ACTN1: variants seen among roughly 807,000 people sequenced by gnomAD.
ACTN1 encodes actinin alpha 1, also known as alpha-actinin-1.
ACTN1 carries 30 observed loss-of-function variants against 119.6 expected under a neutral mutation model. The observed-to-expected ratio is 0.25, with a 90% CI of 0.19 to 0.34. The LOEUF (loss-of-function observed/expected upper bound fraction) is 0.34, where lower values mean the gene tolerates loss of function less well. Ranked by LOEUF, ACTN1 falls within the 10% of genes least tolerant of loss-of-function variation. The pLI is 1.00. For synonymous variants in ACTN1, 429 were observed against 472.6 expected (o/e 0.91, Z 1.20); for missense variants, 764 against 1,223.4 (o/e 0.62, Z 5.60).
intron 1 of ACTN1, 21 bp downstream of exon 1, chr14:68,978,931 C>A: frequency 8.5e-7 from 1 of 1,172,146 alleles, no homozygotes. Context: ...GGGGCTGCAG[C>A]GGGCGGGGGC....
chr14:68,938,314 G>T (rs1331141371), intron 1 of ACTN1, among the ~76,000 whole-genome samples: 3 of 152,178 alleles, frequency 2.0e-5, no homozygotes, highest in Admixed American at 2.0e-4. Flanking sequence ...CCCAGGACAT[G>T]TGAGTGCTGG....
chr14:68,924,272 C>T (rs547453872), intron 2 of ACTN1, among the ~76,000 whole-genome samples: 6 of 152,184 alleles, frequency 3.9e-5, no homozygotes, highest in Admixed American at 3.9e-4. Flanking sequence ...GATACATTTT[C>T]TGTTATATAT....
chr14:68,888,855 C>T (rs566811004), intron 11 of ACTN1, among the ~76,000 whole-genome samples: 1 of 152,270 alleles, frequency 6.6e-6, no homozygotes, highest in South Asian at 2.1e-4. Context: ...AAAGCATCTG[C>T]CTCCTCCCCA....
intron 8 of ACTN1, among the ~76,000 whole-genome samples, chr14:68,899,174 A>G (rs1321966361): frequency 8.1e-6 from 1 of 123,068 alleles, no homozygotes; most frequent in African/African-American, 3.2e-5. Context: ...CACACCTCAC[A>G]CCCTACACCT....
chr14:68,943,809 C>G (rs2035843554), intron 1 of ACTN1, among the ~76,000 whole-genome samples: 1 of 152,206 alleles, frequency 6.6e-6, no homozygotes, highest in African/African-American at 2.4e-5. Flanking sequence ...GGCCAGTTCC[C>G]CACAGTCACA....
chr14:68,954,009 C>A (rs527925869), intron 1 of ACTN1, among the ~76,000 whole-genome samples: 33 of 152,154 alleles, frequency 2.2e-4, no homozygotes, highest in Non-Finnish European at 4.3e-4. Context: ...AATAATGAAT[C>A]CTCTAGCCTT....
intron 1 of ACTN1, among the ~76,000 whole-genome samples, chr14:68,961,332 T>C (rs529241269): frequency 6.6e-6 from 1 of 152,350 alleles, no homozygotes; most frequent in Admixed American, 6.5e-5. Flanking sequence ...ATCAGAATAA[T>C]GCAGGCATGA....
At chr14:68,944,995 T>C (rs2035890735) in intron 1 of ACTN1, among the ~76,000 whole-genome samples, 1 of 151,760 alleles carries the variant, frequency 6.6e-6, no homozygotes, top group Non-Finnish European at 1.5e-5. Context: ...GGTGAAACCC[T>C]GTCTCTACTA....
Position 68,880,723 on chromosome 14 carries a change from C to T in ACTN1, c.2133+87G>A, listed in dbSNP as rs1029514361. 1 of 1,392,828 alleles carries T rather than the reference C, an allele frequency of 7.2e-7. No individual in the cohort carries two copies. Among genetic ancestry groups the T allele is most frequent in the Non-Finnish European group, 1.0e-6 (1 of 1,003,186 alleles). 86.3% of individuals were successfully genotyped at this position (1,392,828 alleles called of 1,614,324 possible). A position where few individuals can be genotyped will look rare whatever the true frequency, so the allele number is the denominator to read the frequency against. On this transcript the variant is annotated intron_variant, in intron 17 of 21. Coordinates refer to ENST00000394419, the MANE Select transcript of ACTN1 (RefSeq NM_001130004.2). This position sits in a 1 kb window ranked among gnomAD's most constrained non-coding sequence, Gnocchi z 4.6. ...AAGTTAATTTATCCTCCAACTATGA[C>T]CTGTTCCCTTGGAGACTTCCCCACC...
At chr14:68,936,521 G>C (rs542777681) in intron 1 of ACTN1, 4,560 of 272,294 alleles carry the variant, frequency 0.017, 120 homozygotes, top group Middle Eastern at 0.023. Flanking sequence ...TTTTAAGTAT[G>C]CAAATAAAAG....
At chr14:68,918,243 C>A (rs971620339) in intron 3 of ACTN1, among the ~76,000 whole-genome samples, 7 of 152,196 alleles carry the variant, frequency 4.6e-5, no homozygotes, top group African/African-American at 1.7e-4. Flanking sequence ...GCCAGCATGG[C>A]AGGGGCAGGC....
At position 68,892,098 on chromosome 14, in the gene ACTN1, G is replaced by A; in HGVS notation, c.1041C>T (p.Leu347=). Residue 347 remains leucine, a synonymous_variant, in exon 10 of 22, where the codon CTC becomes CTT. Transcript: ENST00000394419. The stretch of plus-strand genomic sequence containing the variant: ...AGGGCATGAAGGCAGGCCGGTTGCT[G>A]AGCCGCAGCTTGGTCTGCAGCGTGT... ...NFNTLQTKLR[L]SNRPAFMPSE... The A allele has an allele frequency of 3.7e-6, 6 of 1,613,834 alleles. No homozygotes were observed. In the South Asian group the frequency reaches 5.5e-5, roughly 15 times the overall value.
At position 68,874,665 on chromosome 14, in the gene ACTN1, AC is replaced by A; in HGVS notation, c.*193del. ...ATGTAGTTTTTTGGTTTTTAACGTA[AC>A]TTTTTTTTCTTTTTTGCAGAAAATA... On this transcript the variant is annotated 3_prime_UTR_variant, in exon 22 of 22. Coordinates refer to ENST00000394419, the MANE Select transcript of ACTN1 (RefSeq NM_001130004.2). The A allele has an allele frequency of 2.1e-6, 1 of 465,264 alleles. No homozygotes were observed. The highest frequency in any genetic ancestry group is 3.5e-6 in the Non-Finnish European group (1 of 286,226). The allele number at this position is 465,264 out of a possible 1,614,324, so 28.8% of individuals were successfully genotyped here. A position where few individuals can be genotyped will look rare whatever the true frequency, so the allele number is the denominator to read the frequency against.
chr14:68,925,726 T>A lies in ACTN1; in HGVS notation c.106-54A>T. Reference sequence around the variant, plus strand: ...CAGGGGGCTGGTGTTGTCACCCTCATTGGACAAGCCATTTAATGGTGCCAG... The same window carrying A: ...CAGGGGGCTGGTGTTGTCACCCTCAATGGACAAGCCATTTAATGGTGCCAG... On this transcript the variant is annotated intron_variant, in intron 1 of 21. Coordinates refer to ENST00000394419, the MANE Select transcript of ACTN1 (RefSeq NM_001130004.2). This position sits in a 1 kb window ranked among gnomAD's most constrained non-coding sequence, Gnocchi z 4.3. The A allele has an allele frequency of 6.8e-7, 1 of 1,466,878 alleles. No homozygotes were observed. The highest frequency in any genetic ancestry group is 9.5e-7 in the Non-Finnish European group (1 of 1,057,472). 90.9% of individuals were successfully genotyped at this position (1,466,878 alleles called of 1,614,324 possible).
chr14:68,915,870 C>T (rs1234821523), intron 3 of ACTN1, among the ~76,000 whole-genome samples: 1 of 152,162 alleles, frequency 6.6e-6, no homozygotes, highest in Non-Finnish European at 1.5e-5. Flanking sequence ...AGAAATTAGG[C>T]AGATGTGGTG....
At chr14:68,938,790 T>A (rs1285236348) in intron 1 of ACTN1, among the ~76,000 whole-genome samples, 3 of 152,160 alleles carry the variant, frequency 2.0e-5, no homozygotes, top group Admixed American at 6.5e-5. Flanking sequence ...TCACTTCCCA[T>A]CCACTGTCTA....
At chr14:68,887,262 CACAGTG>C (rs1594763294) in intron 11 of ACTN1, 2 of 319,828 alleles carry the variant, frequency 6.3e-6, no homozygotes, top group East Asian at 8.9e-5. Flanking sequence ...TCTTTCACAG[CACAGTG>C]ACAAAGTTAT....
intron 1 of ACTN1, among the ~76,000 whole-genome samples, chr14:68,969,756 C>T (rs1051023850): frequency 7.9e-5 from 12 of 152,194 alleles, no homozygotes; most frequent in African/African-American, 2.9e-4. Flanking sequence ...TTAAAAGCTC[C>T]ACTTCTCTAT....
chr14:68,923,531 A>C (rs79974608), intron 2 of ACTN1, among the ~76,000 whole-genome samples: 1,926 of 152,184 alleles, frequency 0.013, 36 homozygotes, highest in African/African-American at 0.044. Context: ...AGTTAGAGGC[A>C]AGGCACGGTG....
Sources: allele counts gnomAD v4.1 joint callset (sites outside exome capture counted in the v4.1 genomes callset), GRCh38; gene constraint gnomAD v4.1.1; non-coding constraint Gnocchi (gnomAD v3.1); transcripts MANE v1.5; gene names NCBI Gene and HGNC (gene_info 2026-07-23, HGNC 2026-07-21).